Variants in STAG1 observed in about 807,000 individuals in gnomAD.
The protein encoded by STAG1 is cohesin subunit SA-1.
STAG1 carries 26 observed loss-of-function variants against 170.9 expected under a neutral mutation model. The ratio of observed to expected loss-of-function variants is 0.15; its 90% CI spans 0.11 to 0.21. The LOEUF is 0.21. Ranked by LOEUF, STAG1 falls within the 10% of genes least tolerant of loss-of-function variation. The probability of loss-of-function intolerance (pLI) is 1.00; values close to 1 mark genes in which losing one functional copy is unlikely to be tolerated. For missense variants in STAG1, 964 were observed against 1,509.5 expected, an observed-to-expected ratio of 0.64 and a Z score of 5.99; for synonymous variants, 514 against 497.7, an observed-to-expected ratio of 1.03 and a Z score of -0.44.
intron 20 of STAG1, among the ~76,000 whole-genome samples, chr3:136,418,575 C>A (rs2087849843): frequency 6.6e-6 from 1 of 151,204 alleles, no homozygotes; most frequent in African/African-American, 2.4e-5. Context: ...AAATTTCTAC[C>A]ACATGGTCAA....
chr3:136,571,251 T>C (rs917951828), intron 4 of STAG1, among the ~76,000 whole-genome samples: 3 of 150,272 alleles, frequency 2.0e-5, no homozygotes, highest in Non-Finnish European at 2.9e-5. Flanking sequence ...CTAAGACTGG[T>C]GCACAGGAAC....
intron 3 of STAG1, among the ~76,000 whole-genome samples, chr3:136,617,839 GAAAAA>G (rs370493171): frequency 1.3e-5 from 2 of 150,406 alleles, no homozygotes; most frequent in African/African-American, 2.4e-5. Flanking sequence ...GTATTTAAAA[GAAAAA>G]AAAACTTTGG....
intron 4 of STAG1, among the ~76,000 whole-genome samples, chr3:136,583,018 T>C (rs1471113695): frequency 6.6e-6 from 1 of 152,226 alleles, no homozygotes; most frequent in Non-Finnish European, 1.5e-5. Context: ...TGAACTGCTA[T>C]GCTTCTTCTC....
intron 24 of STAG1, among the ~76,000 whole-genome samples, chr3:136,367,908 G>C (rs1295170622): frequency 6.6e-6 from 1 of 152,080 alleles, no homozygotes; most frequent in Non-Finnish European, 1.5e-5. Flanking sequence ...ATGCCAACAA[G>C]ACTCCAGATG....
At position 136,422,572 on chromosome 3, in the gene STAG1, C is replaced by T. The variant is rs753017578; in HGVS notation, c.1875G>A (p.Glu625=). ...CTAGAACATCTGATTCTACGTGTTTCTCCACAACAAACTTAATCTGTTTTA... is the reference window on the plus strand; with the variant it reads ...CTAGAACATCTGATTCTACGTGTTTTTCCACAACAAACTTAATCTGTTTTA... ...ALLKQIKFVV[E]KHVESDVLEA... Residue 625 remains glutamate (E), a synonymous_variant, in exon 19 of 34, where the codon GAG becomes GAA. Coordinates refer to ENST00000383202, the MANE Select transcript of STAG1 (RefSeq NM_005862.3). 6 of 1,613,838 alleles carry T rather than the reference C, an allele frequency of 3.7e-6. No homozygotes were observed. The highest frequency in any genetic ancestry group is 5.1e-6 in the Non-Finnish European group (6 of 1,179,950).
intron 4 of STAG1, among the ~76,000 whole-genome samples, chr3:136,597,736 A>G (rs532599110): frequency 6.6e-6 from 1 of 150,594 alleles, no homozygotes; most frequent in Admixed American, 6.6e-5. Flanking sequence ...ACACAATTAT[A>G]TCCTCTTCCA....
chr3:136,720,972 G>C (rs548139367), intron 1 of STAG1, among the ~76,000 whole-genome samples: 2 of 152,290 alleles, frequency 1.3e-5, no homozygotes, highest in African/African-American at 4.8e-5. Flanking sequence ...AAGTGACGCA[G>C]AGAGGTAAAA....
chr3:136,372,224 C>A (rs895765755), intron 23 of STAG1, among the ~76,000 whole-genome samples: 14 of 152,286 alleles, frequency 9.2e-5, no homozygotes, highest in Non-Finnish European at 2.1e-4. Context: ...GCTGAAGCTG[C>A]TTATCAGCTT....
intron 28 of STAG1, 103 bp downstream of exon 28, chr3:136,357,617 T>A: frequency 1.1e-6 from 1 of 874,300 alleles, no homozygotes; most frequent in Non-Finnish European, 1.7e-6. Flanking sequence ...AGAGCCTAAA[T>A]TATCAAGAGT....
intron 15 of STAG1, among the ~76,000 whole-genome samples, chr3:136,441,135 T>C (rs1349154964): frequency 6.6e-6 from 1 of 150,388 alleles, no homozygotes; most frequent in Non-Finnish European, 1.5e-5. Context: ...AGGGTTTAAG[T>C]GATCCTCCTG....
chr3:136,562,401 C>T (rs758121858), intron 5 of STAG1, among the ~76,000 whole-genome samples: 6 of 151,552 alleles, frequency 4.0e-5, no homozygotes, highest in Non-Finnish European at 7.4e-5. Context: ...GCTGGGATTA[C>T]GGGCACCCAC....
intron 1 of STAG1, among the ~76,000 whole-genome samples, chr3:136,700,768 G>C (rs765787390): frequency 6.6e-6 from 1 of 150,640 alleles, no homozygotes; most frequent in African/African-American, 2.4e-5. Context: ...CTGAAAATAT[G>C]AATCAACGAT....
At chr3:136,560,690 G>A (rs112930321) in intron 5 of STAG1, among the ~76,000 whole-genome samples, 102 of 152,292 alleles carry the variant, frequency 6.7e-4, no homozygotes, top group African/African-American at 2.4e-3. Flanking sequence ...AGAGACTACA[G>A]ACGTTTCAGC....
intron 1 of STAG1, among the ~76,000 whole-genome samples, chr3:136,642,264 CTTTTTTTTTTTTTTTTTT>C (rs10592920): frequency 2.1e-4 from 18 of 84,954 alleles, no homozygotes; most frequent in Admixed American, 7.0e-4. Context: ...GACAGAATTT[CTTTTTTTTTTTTTTTTTT>C]TTTTTTTTTG....
At position 136,542,113 on chromosome 3, in the gene STAG1, C is replaced by T. The variant is rs370146152; in HGVS notation, c.471+6G>A. ...AGCAATTTGTATGAATATTGGAATG[C>T]TATACCTCATCAAATTCTTCAGTCA... On this transcript the variant is annotated splice_donor_region_variant and intron_variant, in intron 6 of 33. Coordinates refer to ENST00000383202, the MANE Select transcript of STAG1 (RefSeq NM_005862.3). 122 of 1,601,050 alleles carry T rather than the reference C, an allele frequency of 7.6e-5. No individual in the cohort carries two copies. Among genetic ancestry groups the T allele is most frequent in the Non-Finnish European group, 8.5e-5 (99 of 1,171,430 alleles).
At chr3:136,515,801 G>C (rs1934343437) in intron 7 of STAG1, among the ~76,000 whole-genome samples, 1 of 152,052 alleles carries the variant, frequency 6.6e-6, no homozygotes, top group African/African-American at 2.4e-5. Context: ...TATTTTATGG[G>C]TAAAACTACA....
At chr3:136,450,293 A>C (rs564719582) in intron 14 of STAG1, among the ~76,000 whole-genome samples, 10 of 152,290 alleles carry the variant, frequency 6.6e-5, no homozygotes, top group Non-Finnish European at 1.0e-4. Flanking sequence ...GCAGAATCTC[A>C]GGCCCCATTC....
At position 136,460,798 on chromosome 3, in the gene STAG1, G is replaced by A. The variant is rs536062457; in HGVS notation, c.1313+4083C>T. 1.7e-3 allele frequency among the ~76,000 whole-genome samples: 252 copies of A among 151,914 alleles called. 1 individual carries two copies. The highest frequency in any genetic ancestry group is 5.1e-3 in the African/African-American group (213 of 41,412). The stretch of plus-strand genomic sequence containing the variant: ...AACTATTCCAGAAAATTGAAGATAA[G>A]GGAATACCTCCAAGCTCATTCTACA... On this transcript the variant is annotated intron_variant, in intron 13 of 33. Coordinates refer to ENST00000383202, the MANE Select transcript of STAG1 (RefSeq NM_005862.3).
Position 136,422,598 on chromosome 3 carries a change from A to C in STAG1, c.1849T>G (p.Leu617Val). The change falls in exon 19 of 34, where the codon TTA becomes GTA. Residue 617 changes from leucine to valine, a missense_variant. Coordinates refer to ENST00000383202, the MANE Select transcript of STAG1 (RefSeq NM_005862.3). The part of the protein sequence containing the change: ...GRMEKHLDAL[L>V]KQIKFVVEKH... Reference sequence around the variant, plus strand: ...TCCACAACAAACTTAATCTGTTTTAATAAAGCATCCAGATGCTGAGGAGAC... The same window carrying C: ...TCCACAACAAACTTAATCTGTTTTACTAAAGCATCCAGATGCTGAGGAGAC... 1.9e-6 allele frequency: 3 copies of C among 1,613,834 alleles called. No homozygotes were observed. The highest frequency in any genetic ancestry group is 2.5e-6 in the Non-Finnish European group (3 of 1,179,938).
Sources: gnomAD v4.1 joint callset for allele counts (sites outside exome capture counted in the v4.1 genomes callset) on GRCh38, gnomAD v4.1.1 for gene constraint, MANE v1.5 for transcripts, NCBI Gene and HGNC (gene_info 2026-07-23, HGNC 2026-07-21) for gene names.